The following PTPRD variants were observed in gnomAD, a reference collection of about 807,000 sequenced individuals.
The protein encoded by PTPRD is receptor-type tyrosine-protein phosphatase delta.
PTPRD carries 34 observed loss-of-function variants against 214.5 expected under a neutral mutation model. The observed-to-expected ratio is 0.16, with a 90% CI of 0.12 to 0.21. PTPRD has a LOEUF of 0.21. Among genes scored for constraint, PTPRD ranks in the 10% least tolerant of loss-of-function variants. PTPRD has a pLI of 1.00. For synonymous variants in PTPRD, 1,128 were observed against 845.7 expected, an observed-to-expected ratio of 1.33 and a Z score of -5.79; for missense variants, 2,545 against 2,398.7, an observed-to-expected ratio of 1.06 and a Z score of -1.27.
At chr9:10,307,708 G>C (rs1369449730) in intron 3 of PTPRD, among the ~76,000 whole-genome samples, 1 of 151,822 alleles carries the variant, frequency 6.6e-6, no homozygotes, top group South Asian at 2.1e-4. Flanking sequence ...GGATGTAAAA[G>C]ATACATCCTT....
intron 9 of PTPRD, among the ~76,000 whole-genome samples, chr9:9,334,727 A>G (rs754212307): frequency 6.6e-6 from 1 of 151,936 alleles, no homozygotes; most frequent in East Asian, 1.9e-4. Flanking sequence ...AAAGCATTTA[A>G]TACATATTAG....
At chr9:8,776,668 G>C (rs557985491) in intron 11 of PTPRD, among the ~76,000 whole-genome samples, 44 of 151,882 alleles carry the variant, frequency 2.9e-4, no homozygotes, top group African/African-American at 1.0e-3. Context: ...TTTAGCAGCA[G>C]TATGAGTGAT....
chr9:9,778,768 T>A (rs893574204), intron 5 of PTPRD, among the ~76,000 whole-genome samples: 1 of 152,142 alleles, frequency 6.6e-6, no homozygotes, highest in Admixed American at 6.5e-5. Context: ...GGCCATGTTC[T>A]GGTGCCTCCA....
chr9:10,032,202 C>T (rs1479336095), intron 4 of PTPRD, among the ~76,000 whole-genome samples: 1 of 152,128 alleles, frequency 6.6e-6, no homozygotes, highest in Non-Finnish European at 1.5e-5. Context: ...GCAGAAATAA[C>T]TTGGGTTAAA....
Position 8,789,527 on chromosome 9 carries a change from G to C in PTPRD, c.-103-55581C>G, listed in dbSNP as rs553881618. Among the ~76,000 whole-genome samples the C allele has an allele frequency of 4.7e-4, 71 of 152,240 alleles. No individual in the cohort carries two copies. The South Asian group carries it at 9.3e-3, about 20-fold the overall frequency. On this transcript the variant is annotated intron_variant, in intron 11 of 45. Coordinates refer to ENST00000381196, the MANE Select transcript of PTPRD (RefSeq NM_002839.4). ...CCTTAAGGTTCTGTGACCCATATTA[G>C]CACTCCTGTCTTCTTTGGTGTTTGT...
intron 5 of PTPRD, among the ~76,000 whole-genome samples, chr9:9,778,868 T>G (rs764689961): frequency 1.2e-4 from 18 of 151,820 alleles, no homozygotes; most frequent in Non-Finnish European, 2.5e-4. Flanking sequence ...TTTCTAAAAT[T>G]TATATGGAAC....
chr9:9,720,005 C>G (rs1303364458), intron 7 of PTPRD, among the ~76,000 whole-genome samples: 1 of 152,116 alleles, frequency 6.6e-6, no homozygotes, highest in Non-Finnish European at 1.5e-5. Context: ...CCACACCTGG[C>G]TCACCCTTGG....
At chr9:9,308,288 T>A (rs989859843) in intron 9 of PTPRD, among the ~76,000 whole-genome samples, 1 of 152,142 alleles carries the variant, frequency 6.6e-6, no homozygotes, top group Non-Finnish European at 1.5e-5. Flanking sequence ...ATGACACAAA[T>A]CCTAGAAACA....
chr9:9,248,236 G>A (rs781078616), intron 9 of PTPRD, among the ~76,000 whole-genome samples: 2 of 151,826 alleles, frequency 1.3e-5, no homozygotes, highest in Admixed American at 6.6e-5. Context: ...GGGATTACAG[G>A]CGCCCACCAC....
intron 5 of PTPRD, among the ~76,000 whole-genome samples, chr9:9,892,446 G>A (rs10114072): frequency 0.025 from 3,833 of 152,130 alleles, 61 homozygotes; most frequent in Middle Eastern, 0.044. Context: ...TAGATCTAGG[G>A]CACAGTGAGC....
At chr9:9,698,356 A>T (rs1156711636) in intron 7 of PTPRD, among the ~76,000 whole-genome samples, 1 of 152,106 alleles carries the variant, frequency 6.6e-6, no homozygotes, top group East Asian at 1.9e-4. Flanking sequence ...TCTCCTTTTT[A>T]GCACTAAAGA....
intron 37 of PTPRD, among the ~76,000 whole-genome samples, chr9:8,382,038 C>A (rs1183273331): frequency 6.6e-6 from 1 of 152,224 alleles, no homozygotes; most frequent in Non-Finnish European, 1.5e-5. Context: ...CATAGCCCTA[C>A]AGCCACCTCT....
intron 3 of PTPRD, among the ~76,000 whole-genome samples, chr9:10,088,181 C>T (rs2098380456): frequency 6.6e-6 from 1 of 151,680 alleles, no homozygotes; most frequent in Non-Finnish European, 1.5e-5. Flanking sequence ...ATTGCAATAG[C>T]ATCAGGCTAG....
intron 6 of PTPRD, among the ~76,000 whole-genome samples, chr9:9,746,669 T>C (rs925305362): frequency 2.0e-5 from 3 of 152,086 alleles, no homozygotes; most frequent in Non-Finnish European, 4.4e-5. Context: ...AAATAAGGCA[T>C]AGAAAAGATG....
At chr9:10,377,622 C>T (rs1186991592) in intron 2 of PTPRD, among the ~76,000 whole-genome samples, 1 of 151,966 alleles carries the variant, frequency 6.6e-6, no homozygotes, top group Non-Finnish European at 1.5e-5. Flanking sequence ...GACATGAACT[C>T]ATCATTTTTT....
At chr9:9,026,630 C>T (rs1054661978) in intron 10 of PTPRD, among the ~76,000 whole-genome samples, 2 of 151,822 alleles carry the variant, frequency 1.3e-5, no homozygotes, top group Admixed American at 1.3e-4. Context: ...AAGTTCATTC[C>T]TGCTCTTGAT....
chr9:9,873,749 C>G (rs1001805027), intron 5 of PTPRD, among the ~76,000 whole-genome samples: 1 of 152,110 alleles, frequency 6.6e-6, no homozygotes, highest in Non-Finnish European at 1.5e-5. Flanking sequence ...TTAAAATATT[C>G]TTTCTCCATC....
chr9:8,405,066 G>C (rs1203446460), intron 35 of PTPRD, among the ~76,000 whole-genome samples: 2 of 152,110 alleles, frequency 1.3e-5, no homozygotes, highest in Non-Finnish European at 2.9e-5. Flanking sequence ...CCTAAGCTGA[G>C]TCTTTAAGTT....
At chr9:8,450,999 G>GTA (rs1440667696) in intron 33 of PTPRD, among the ~76,000 whole-genome samples, 1 of 152,168 alleles carries the variant, frequency 6.6e-6, no homozygotes, top group Non-Finnish European at 1.5e-5. Context: ...TGTGACTGTG[G>GTA]TACAGCTCAT....
Sources: gnomAD v4.1 joint callset for allele counts (sites outside exome capture counted in the v4.1 genomes callset) on GRCh38, gnomAD v4.1.1 for gene constraint, MANE v1.5 for transcripts, NCBI Gene and HGNC (gene_info 2026-07-23, HGNC 2026-07-21) for gene names.